LRMDA: variants seen among roughly 807,000 people sequenced by gnomAD.
LRMDA encodes the protein leucine-rich melanocyte differentiation-associated protein.
A neutral mutation model predicts 29.8 loss-of-function variants in LRMDA; 18 were observed. The ratio of observed to expected loss-of-function variants is 0.60; its 90% CI spans 0.42 to 0.90. The LOEUF is 0.90. Among genes scored for constraint, LRMDA ranks in the 40% least tolerant of loss-of-function variants. The pLI is 0.00. For synonymous variants in LRMDA, 125 were observed against 109.4 expected, an observed-to-expected ratio of 1.14 and a Z score of -0.89; for missense variants, 273 against 273.9, an observed-to-expected ratio of 1.00 and a Z score of 0.02.
intron 2 of LRMDA, among the ~76,000 whole-genome samples, chr10:75,995,773 G>A (rs1847451101): frequency 6.6e-6 from 1 of 152,144 alleles, no homozygotes; most frequent in Non-Finnish European, 1.5e-5. Flanking sequence ...CAGTAATTTA[G>A]TGGCTTATTG....
intron 2 of LRMDA, among the ~76,000 whole-genome samples, chr10:75,922,665 C>T (rs1407990252): frequency 1.3e-5 from 2 of 152,168 alleles, no homozygotes; most frequent in Non-Finnish European, 2.9e-5. Flanking sequence ...AACTCACTGA[C>T]TGCAGGACTG....
chr10:75,714,181 TG>T (rs1039628408), intron 2 of LRMDA, among the ~76,000 whole-genome samples: 7 of 152,072 alleles, frequency 4.6e-5, no homozygotes, highest in African/African-American at 1.7e-4. Context: ...AAATGATGAA[TG>T]GGAGTTAAAA....
chr10:76,258,052 C>T (rs1839888967), intron 5 of LRMDA, among the ~76,000 whole-genome samples: 3 of 152,210 alleles, frequency 2.0e-5, no homozygotes, highest in Admixed American at 2.0e-4. Context: ...TTGGACAAAA[C>T]TTGTTACATG....
rs367952967 is a variant in LRMDA at position 76,179,619 on chromosome 10, T to C, written c.516+120836T>C. On this transcript the variant is annotated intron_variant, in intron 5 of 6. Coordinates refer to ENST00000611255, the MANE Select transcript of LRMDA (RefSeq NM_001305581.2). ...GACCATCCTCAAACATTTGAACCGT[T>C]TCCACACTGCAGCATAGGGAGATTT... Among the ~76,000 whole-genome samples the C allele has an allele frequency of 9.8e-5, 15 of 152,294 alleles. No individual in the cohort carries two copies. The East Asian group carries it at 2.9e-3, about 29-fold the overall frequency.
intron 5 of LRMDA, among the ~76,000 whole-genome samples, chr10:76,292,582 T>A (rs1840355276): frequency 1.3e-5 from 2 of 152,212 alleles, no homozygotes; most frequent in Admixed American, 1.3e-4. Context: ...TTGTTTCCAA[T>A]GAAGATTGAC....
At chr10:75,814,213 G>T (rs1844017710) in intron 2 of LRMDA, among the ~76,000 whole-genome samples, 1 of 152,142 alleles carries the variant, frequency 6.6e-6, no homozygotes, top group Admixed American at 6.6e-5. Context: ...ACCAAAGCAG[G>T]TATTGATCTT....
chr10:75,626,863 C>A (rs953037482), intron 2 of LRMDA, among the ~76,000 whole-genome samples: 2 of 152,174 alleles, frequency 1.3e-5, no homozygotes, highest in African/African-American at 2.4e-5. Context: ...GTGACAGCAT[C>A]CCTGTCTGGT....
intron 2 of LRMDA, among the ~76,000 whole-genome samples, chr10:75,735,121 A>G (rs1440022537): frequency 6.6e-6 from 1 of 152,244 alleles, no homozygotes; most frequent in East Asian, 1.9e-4. Flanking sequence ...TACCTGCAAC[A>G]GTAGCAGGCA....
chr10:76,323,775 G>A (rs1184779806), intron 5 of LRMDA, among the ~76,000 whole-genome samples: 1 of 152,214 alleles, frequency 6.6e-6, no homozygotes. Context: ...TGTATGTTAT[G>A]TTATTTTCTT....
chr10:75,716,296 AC>A (rs1359133728), intron 2 of LRMDA, among the ~76,000 whole-genome samples: 1 of 152,198 alleles, frequency 6.6e-6, no homozygotes. Flanking sequence ...TGAGGGTGGC[AC>A]TTAGGTCCTT....
intron 2 of LRMDA, among the ~76,000 whole-genome samples, chr10:75,682,870 G>A (rs1365352240): frequency 2.0e-5 from 3 of 152,158 alleles, no homozygotes; most frequent in Admixed American, 6.5e-5. Flanking sequence ...AAGAAAAAAT[G>A]GAGCAAATGG....
At chr10:75,619,765 G>A (rs1378366957) in intron 2 of LRMDA, among the ~76,000 whole-genome samples, 1 of 152,146 alleles carries the variant, frequency 6.6e-6, no homozygotes, top group Admixed American at 6.5e-5. Flanking sequence ...GTAGATCTGG[G>A]TTTACAGTTG....
At chr10:76,143,658 T>A (rs1251335194) in intron 5 of LRMDA, among the ~76,000 whole-genome samples, 2 of 152,214 alleles carry the variant, frequency 1.3e-5, no homozygotes, top group African/African-American at 4.8e-5. Flanking sequence ...TTCACTCTGA[T>A]GGTAGTTTGT....
Position 76,403,876 on chromosome 10 carries a change from C to T in LRMDA, c.601+79391C>T, listed in dbSNP as rs78071222. On this transcript the variant is annotated intron_variant, in intron 6 of 6. Transcript: ENST00000611255. ...AGAGTTCTCTTTTCCTAGTTTCCCCCCTGGCCTTCCATCTCTTCCTTAAGA... is the reference window on the plus strand; with the variant it reads ...AGAGTTCTCTTTTCCTAGTTTCCCCTCTGGCCTTCCATCTCTTCCTTAAGA... Among the ~76,000 whole-genome samples, 520 of 152,148 alleles carry T rather than the reference C, an allele frequency of 3.4e-3. 1 individual carries two copies. The highest frequency in any genetic ancestry group is 0.012 in the African/African-American group (492 of 41,514).
intron 5 of LRMDA, among the ~76,000 whole-genome samples, chr10:76,247,748 G>A (rs114527520): frequency 0.022 from 3,395 of 152,192 alleles, 94 homozygotes; most frequent in African/African-American, 0.066. Context: ...TCAGTAGGGC[G>A]TTAGCAAACA....
chr10:75,824,185 G>C (rs1385213705), intron 2 of LRMDA, among the ~76,000 whole-genome samples: 2 of 152,086 alleles, frequency 1.3e-5, no homozygotes, highest in African/African-American at 4.8e-5. Flanking sequence ...GATTGTATTT[G>C]GGACATATTA....
intron 3 of LRMDA, among the ~76,000 whole-genome samples, chr10:76,045,244 C>G (rs1848415045): frequency 6.7e-6 from 1 of 148,746 alleles, no homozygotes; most frequent in Admixed American, 6.7e-5. Flanking sequence ...GTTTCCCCCT[C>G]TGGTTAGTTT....
At chr10:75,469,335 T>C (rs1235817390) in intron 2 of LRMDA, among the ~76,000 whole-genome samples, 1 of 136,418 alleles carries the variant, frequency 7.3e-6, no homozygotes, top group Non-Finnish European at 1.7e-5. Context: ...TTGAAATGCC[T>C]TCAGTTATTT....
intron 2 of LRMDA, among the ~76,000 whole-genome samples, chr10:75,539,362 T>A (rs570891717): frequency 6.6e-6 from 1 of 152,310 alleles, no homozygotes; most frequent in East Asian, 1.9e-4. Flanking sequence ...TTTCAGTAAG[T>A]GTTACTTGAG....
Sources: gnomAD v4.1 joint callset for allele counts (sites outside exome capture counted in the v4.1 genomes callset) on GRCh38, gnomAD v4.1.1 for gene constraint, MANE v1.5 for transcripts, NCBI Gene and HGNC (gene_info 2026-07-23, HGNC 2026-07-21) for gene names.